The following DGKI variants were observed in gnomAD, a reference collection of about 807,000 sequenced individuals.
DGKI encodes DAG kinase iota.
DGKI carries 55 observed loss-of-function variants against 147.5 expected under a neutral mutation model. That is an observed-to-expected ratio of 0.37 (90% CI 0.30 to 0.47). The LOEUF (loss-of-function observed/expected upper bound fraction) is 0.47. DGKI is among the 20% of genes least tolerant of loss of function. The probability of loss-of-function intolerance (pLI) is 1.00; values close to 1 mark genes in which losing one functional copy is unlikely to be tolerated. For synonymous variants in DGKI, 469 were observed against 477.1 expected, an observed-to-expected ratio of 0.98 and a Z score of 0.22; for missense variants, 1,007 against 1,323.8, an observed-to-expected ratio of 0.76 and a Z score of 3.71.
intron 1 of DGKI, among the ~76,000 whole-genome samples, chr7:137,696,968 T>C (rs1249383687): frequency 6.6e-6 from 1 of 152,046 alleles, no homozygotes; most frequent in Non-Finnish European, 1.5e-5. Flanking sequence ...AAGGCAGAGA[T>C]CTGGGTGATG....
chr7:137,641,571 T>C (rs1485016069), intron 6 of DGKI, among the ~76,000 whole-genome samples: 1 of 152,224 alleles, frequency 6.6e-6, no homozygotes, highest in Non-Finnish European at 1.5e-5. Context: ...AAGTGTAGCA[T>C]GAAACATAAA....
Position 137,846,134 on chromosome 7 carries a change from T to TTCTCTCTCTTTCTCTCTCTC in DGKI, c.401+327_401+328insGAGAGAGAGAAAGAGAGAGA, listed in dbSNP as rs1798710149. ...TCTGCAACCCTTTCTCTCTCTCTCT[T>TTCTCTCTCTTTCTCTCTCTC]TCTCTCTCTCTCTCTCTCTCTCTCT... On this transcript the variant is annotated intron_variant, in intron 1 of 32. Coordinates refer to ENST00000614521, the MANE Select transcript of DGKI (RefSeq NM_001321708.2). The surrounding 1 kb of genome is among the most constrained non-coding windows in gnomAD (Gnocchi z 4.0). Among the ~76,000 whole-genome samples, 1 of 85,330 alleles carries TTCTCTCTCTTTCTCTCTCTC rather than the reference T, an allele frequency of 1.2e-5. No homozygotes were observed. Among genetic ancestry groups the TTCTCTCTCTTTCTCTCTCTC allele is most frequent in the Non-Finnish European group, 2.2e-5 (1 of 45,212 alleles). 56.0% of individuals were successfully genotyped at this position (85,330 alleles called of 152,430 possible).
At chr7:137,472,345 T>TATGTATATA (rs1563040195) in intron 23 of DGKI, among the ~76,000 whole-genome samples, 2 of 54,172 alleles carry the variant, frequency 3.7e-5, no homozygotes, top group African/African-American at 3.1e-4. Flanking sequence ...ATACATATAA[T>TATGTATATA]TATTATATGT....
At chr7:137,476,631 A>G (rs1433002284) in intron 23 of DGKI, among the ~76,000 whole-genome samples, 1 of 152,220 alleles carries the variant, frequency 6.6e-6, no homozygotes, top group Non-Finnish European at 1.5e-5. Flanking sequence ...ATTTTAACCC[A>G]TAATCTTCTA....
At chr7:137,485,016 A>G (rs184687450) in intron 23 of DGKI, among the ~76,000 whole-genome samples, 8 of 152,178 alleles carry the variant, frequency 5.3e-5, no homozygotes, top group Admixed American at 5.2e-4. Context: ...GTGAGCCATG[A>G]CCAAATGGGA....
chr7:137,841,785 G>C (rs1487719279), intron 1 of DGKI, among the ~76,000 whole-genome samples: 1 of 152,190 alleles, frequency 6.6e-6, no homozygotes, highest in Non-Finnish European at 1.5e-5. Context: ...ACTAGAAAGT[G>C]CGGTGTTGGA....
At chr7:137,825,242 C>T (rs1189337400) in intron 1 of DGKI, among the ~76,000 whole-genome samples, 1 of 152,116 alleles carries the variant, frequency 6.6e-6, no homozygotes, top group Non-Finnish European at 1.5e-5. Flanking sequence ...AGCTGGCCAA[C>T]CCTCACATAA....
intron 3 of DGKI, among the ~76,000 whole-genome samples, chr7:137,674,159 G>A (rs183084234): frequency 4.6e-5 from 7 of 152,264 alleles, no homozygotes; most frequent in Non-Finnish European, 8.8e-5. Context: ...TTTGGGAACT[G>A]TTGCCAATTT....
intron 1 of DGKI, among the ~76,000 whole-genome samples, chr7:137,792,917 T>C (rs954306180): frequency 6.6e-6 from 1 of 152,186 alleles, no homozygotes; most frequent in Non-Finnish European, 1.5e-5. Flanking sequence ...AATAAACTTC[T>C]TTTCATTTTA....
chr7:137,619,928 C>T lies in DGKI; in HGVS notation c.889G>A (p.Val297Met). 1 of 1,612,878 alleles carries T rather than the reference C, an allele frequency of 6.2e-7. No individual in the cohort carries two copies. The highest frequency in any genetic ancestry group is 8.5e-7 in the Non-Finnish European group (1 of 1,179,372). ...ATGTGATGCAGCATGAAGCAGGTCA[C>T]CTTATTGTGAAACTGAAGAGAAAAA... is the stretch of plus-strand genomic sequence containing the variant. Reference protein sequence around the residue: ...SWCKQAFHNKVTCFMLHHIEE... With the variant: ...SWCKQAFHNKMTCFMLHHIEE... The change falls in exon 8 of 33, where the codon GTG becomes ATG. Residue 297 changes from valine to methionine, a missense_variant. By Grantham distance (21) the Val-to-Met change is conservative. This residue lies in a region of DGKI where 259 missense variants were observed against 362.5 expected (regional missense o/e 0.71). Transcript: ENST00000614521.
chr7:137,480,408 A>ATTCACCT (rs1233338796), intron 23 of DGKI, among the ~76,000 whole-genome samples: 1 of 152,210 alleles, frequency 6.6e-6, no homozygotes, highest in East Asian at 1.9e-4. Flanking sequence ...AGAGAGATGA[A>ATTCACCT]TAAGGACAGC....
At chr7:137,434,066 C>G (rs186748322) in intron 28 of DGKI, among the ~76,000 whole-genome samples, 1 of 150,816 alleles carries the variant, frequency 6.6e-6, no homozygotes, top group African/African-American at 2.4e-5. Context: ...TTGCAGTGAG[C>G]TGAGATCATG....
At chr7:137,456,902 G>A (rs1209998921) in intron 27 of DGKI, among the ~76,000 whole-genome samples, 1 of 152,068 alleles carries the variant, frequency 6.6e-6, no homozygotes, top group African/African-American at 2.4e-5. Context: ...CATTTCCTCC[G>A]AGTGGTTTAG....
At chr7:137,408,974 A>T (rs1812063237) in intron 29 of DGKI, among the ~76,000 whole-genome samples, 1 of 152,346 alleles carries the variant, frequency 6.6e-6, no homozygotes, top group South Asian at 2.1e-4. Flanking sequence ...ATTATAGATA[A>T]TCAAACATCC....
intron 1 of DGKI, among the ~76,000 whole-genome samples, chr7:137,716,077 C>G (rs901671621): frequency 1.3e-5 from 2 of 152,132 alleles, no homozygotes; most frequent in Non-Finnish European, 2.9e-5. Flanking sequence ...TCTGAATGAC[C>G]TAGGAAGGAG....
In DGKI at chr7:137,387,836, A is replaced by G. The variant is rs1811223503; in HGVS notation, c.*3384T>C. ...AAAATTGACATGTAATAAAATAAAG[A>G]TGCTGTGTCATTTTTTAAAGCCATG... On this transcript the variant is annotated 3_prime_UTR_variant, in exon 33 of 33. Transcript: ENST00000614521. 1 of 152,206 alleles carries G rather than the reference A, an allele frequency of 6.6e-6. No individual in the cohort carries two copies. The allele number at this position is 152,206 out of a possible 1,614,324, so 9.4% of individuals were successfully genotyped here. A position where few individuals can be genotyped will look rare whatever the true frequency, so the allele number is the denominator to read the frequency against.
At chr7:137,705,020 A>G (rs112051547) in intron 1 of DGKI, among the ~76,000 whole-genome samples, 1 of 152,216 alleles carries the variant, frequency 6.6e-6, no homozygotes. Flanking sequence ...AAAATGCTCA[A>G]TACTTTAGCT....
chr7:137,569,220 A>G (rs910559601), intron 19 of DGKI, among the ~76,000 whole-genome samples: 1 of 152,110 alleles, frequency 6.6e-6, no homozygotes, highest in Non-Finnish European at 1.5e-5. Flanking sequence ...GAAATACTGA[A>G]TATTCCCCTT....
chr7:137,822,419 A>AATT (rs1045453918), intron 1 of DGKI, among the ~76,000 whole-genome samples: 4 of 151,802 alleles, frequency 2.6e-5, no homozygotes, highest in South Asian at 4.2e-4. Context: ...AAATAATAAT[A>AATT]ATTATTATTA....
Sources: allele counts gnomAD v4.1 joint callset (sites outside exome capture counted in the v4.1 genomes callset), GRCh38; gene constraint gnomAD v4.1.1; regional missense constraint gnomAD v4.1.1; non-coding constraint Gnocchi (gnomAD v3.1); transcripts MANE v1.5; gene names NCBI Gene and HGNC (gene_info 2026-07-23, HGNC 2026-07-21).